The following FRAS1 variants were observed in gnomAD, a reference collection of about 807,000 sequenced individuals.
FRAS1 encodes the protein Fraser extracellular matrix complex subunit 1, also known as extracellular matrix organizing protein FRAS1.
Under a neutral mutation model 435.2 loss-of-function variants are expected in FRAS1, and 290 were observed. The ratio of observed to expected loss-of-function variants is 0.67; its 90% CI spans 0.61 to 0.73. The LOEUF (loss-of-function observed/expected upper bound fraction) is 0.73. Ranked by LOEUF, FRAS1 falls within the 30% of genes least tolerant of loss-of-function variation. The pLI, the probability that FRAS1 is intolerant of heterozygous loss-of-function variation, is 0.00. For missense variants in FRAS1, 4,860 were observed against 5,001.5 expected (o/e 0.97, Z 0.85); for synonymous variants, 1,800 against 1,851.0 (o/e 0.97, Z 0.71).
At chr4:78,075,313 G>A (rs978562035) in intron 2 of FRAS1, among the ~76,000 whole-genome samples, 2 of 152,186 alleles carry the variant, frequency 1.3e-5, no homozygotes, top group Non-Finnish European at 2.9e-5. Flanking sequence ...AGGGGAGAAA[G>A]ATGGGAGACT....
At chr4:78,391,386 A>G (rs1732436993) in intron 29 of FRAS1, among the ~76,000 whole-genome samples, 2 of 152,222 alleles carry the variant, frequency 1.3e-5, no homozygotes, top group African/African-American at 4.8e-5. Flanking sequence ...AAAAGGTAAT[A>G]AAGAATGCGT....
intron 2 of FRAS1, among the ~76,000 whole-genome samples, chr4:78,073,557 T>C (rs1056504365): frequency 6.6e-6 from 1 of 152,206 alleles, no homozygotes; most frequent in African/African-American, 2.4e-5. Context: ...TGTTTATAAC[T>C]ACAAAGTACA....
intron 70 of FRAS1, among the ~76,000 whole-genome samples, chr4:78,529,771 G>A (rs977252763): frequency 2.6e-5 from 4 of 152,158 alleles, no homozygotes; most frequent in Admixed American, 6.5e-5. Context: ...ACAAAGGGAC[G>A]ATTCCTGTTC....
intron 8 of FRAS1, 69 bp from the exon 9 acceptor site, chr4:78,267,172 T>C: frequency 2.0e-6 from 3 of 1,502,964 alleles, no homozygotes; most frequent in Non-Finnish European, 2.7e-6. Flanking sequence ...TGGGTCCTCC[T>C]GCCTCTGTTG....
intron 40 of FRAS1, 83 bp from the exon 41 acceptor site, chr4:78,441,079 A>G: frequency 7.0e-7 from 1 of 1,422,720 alleles, no homozygotes; most frequent in Non-Finnish European, 9.8e-7. Context: ...AAGGTCACCC[A>G]GGCAGCACTT....
intron 27 of FRAS1, 94 bp from the exon 28 acceptor site, chr4:78,383,965 C>A: frequency 1.1e-6 from 1 of 887,988 alleles, no homozygotes; most frequent in Non-Finnish European, 1.8e-6. Flanking sequence ...AAATTCTTAC[C>A]TACACATAAC....
Position 78,539,323 on chromosome 4 carries a change from G to C in FRAS1, c.11328G>C (p.Lys3776Asn), listed in dbSNP as rs1721978533. The C allele has an allele frequency of 6.2e-7, 1 of 1,612,004 alleles. No homozygotes were observed. The highest frequency in any genetic ancestry group is 1.3e-5 in the African/African-American group (1 of 74,864). ...LDRNQPEVTD[K>N]YFHDVPFEAH... ...GCAATCAGCCAGAGGTAACTGATAA[G>C]TACTTCCATGATGTGCCTTTTGAGG... Residue 3776 changes from lysine to asparagine, a missense_variant, in exon 73 of 74, where the codon AAG becomes AAC. Lys to Asn is a moderately conservative substitution (Grantham distance 94). Transcript: ENST00000512123.
chr4:78,172,846 G>T (rs1245747361), intron 2 of FRAS1, among the ~76,000 whole-genome samples: 1 of 151,768 alleles, frequency 6.6e-6, no homozygotes, highest in African/African-American at 2.4e-5. Context: ...TGATTGAAGA[G>T]CTCTTTGGGG....
chr4:78,310,779 G>A (rs1385133), intron 15 of FRAS1, among the ~76,000 whole-genome samples: 14,078 of 152,206 alleles, frequency 0.092, 1,193 homozygotes, highest in East Asian at 0.3. Context: ...TAATTAAGAC[G>A]TCAGATGCTG....
intron 2 of FRAS1, among the ~76,000 whole-genome samples, chr4:78,226,522 CTT>C (rs879360957): frequency 1.4e-5 from 2 of 142,296 alleles, no homozygotes; most frequent in Admixed American, 7.0e-5. Context: ...TGAGTTCCAT[CTT>C]TTTTTTTTTA....
intron 47 of FRAS1, among the ~76,000 whole-genome samples, chr4:78,454,429 A>T (rs1211690039): frequency 6.6e-6 from 1 of 152,148 alleles, no homozygotes; most frequent in Non-Finnish European, 1.5e-5. Flanking sequence ...GTATGGCAGG[A>T]GGGCATGCAG....
intron 7 of FRAS1, among the ~76,000 whole-genome samples, chr4:78,266,332 AAG>A (rs1726354165): frequency 6.6e-6 from 1 of 152,222 alleles, no homozygotes; most frequent in Non-Finnish European, 1.5e-5. Context: ...AGGTTGGTAG[AAG>A]AGAGGGGTGG....
At chr4:78,090,716 G>A (rs1317487209) in intron 2 of FRAS1, among the ~76,000 whole-genome samples, 2 of 152,146 alleles carry the variant, frequency 1.3e-5, no homozygotes, top group African/African-American at 4.8e-5. Flanking sequence ...GAGAACAAAT[G>A]CCACAGGATT....
rs147153872 is a variant in FRAS1, at chr4:78,102,106, C to T, written c.108+36090C>T. 2.8e-4 allele frequency among the ~76,000 whole-genome samples: 42 copies of T among 151,702 alleles called. No homozygotes were observed. In the East Asian group the frequency reaches 2.9e-3, roughly 10 times the overall value. On this transcript the variant is annotated intron_variant, in intron 2 of 73. Coordinates refer to ENST00000512123, the MANE Select transcript of FRAS1 (RefSeq NM_025074.7). ...GTTCTAACCAATTGTACTTTGATCA[C>T]GGTTGAATATGGTGATTTTTTTTTA...
At chr4:78,362,496 C>T (rs1049168113) in intron 20 of FRAS1, among the ~76,000 whole-genome samples, 14 of 152,224 alleles carry the variant, frequency 9.2e-5, no homozygotes, top group Admixed American at 2.0e-4. Flanking sequence ...CAAGAGCAAG[C>T]TCCATGGGGG....
chr4:78,329,597 G>C (rs375488336), intron 18 of FRAS1, among the ~76,000 whole-genome samples: 2 of 152,208 alleles, frequency 1.3e-5, no homozygotes, highest in African/African-American at 2.4e-5. Context: ...ATTTAAGACA[G>C]TCTGTTATGT....
At chr4:78,465,671 C>T (rs1719505184) in intron 49 of FRAS1, among the ~76,000 whole-genome samples, 1 of 152,168 alleles carries the variant, frequency 6.6e-6, no homozygotes, top group Non-Finnish European at 1.5e-5. Flanking sequence ...CAGAGAGGAA[C>T]CCTGGGACTA....
At chr4:78,099,112 A>G (rs1473771956) in intron 2 of FRAS1, among the ~76,000 whole-genome samples, 2 of 152,194 alleles carry the variant, frequency 1.3e-5, no homozygotes, top group Non-Finnish European at 2.9e-5. Context: ...CTCCCCTGGT[A>G]TTGCAAAGCC....
At chr4:78,216,816 G>A (rs541320454) in intron 2 of FRAS1, among the ~76,000 whole-genome samples, 1 of 152,232 alleles carries the variant, frequency 6.6e-6, no homozygotes, top group East Asian at 1.9e-4. Context: ...AGAGTGAGAG[G>A]AAGTGGGTCA....
Sources: gnomAD v4.1 joint callset for allele counts (sites outside exome capture counted in the v4.1 genomes callset) on GRCh38, gnomAD v4.1.1 for gene constraint, MANE v1.5 for transcripts, NCBI Gene and HGNC (gene_info 2026-07-23, HGNC 2026-07-21) for gene names.